FAM120B: variants seen among roughly 807,000 people sequenced by gnomAD.
FAM120B encodes the protein family with sequence similarity 120 member B.
Under a neutral mutation model 96.3 loss-of-function variants are expected in FAM120B, and 83 were observed. The ratio of observed to expected loss-of-function variants is 0.86; its 90% confidence interval spans 0.72 to 1.03. FAM120B has a LOEUF of 1.03. Among genes scored for constraint, FAM120B ranks in the 50% least tolerant of loss-of-function variants. FAM120B has a pLI of 0.00. For missense variants in FAM120B, 1,027 were observed against 1,121.2 expected, an observed-to-expected ratio of 0.92 and a Z score of 1.20; for synonymous variants, 407 against 402.7, an observed-to-expected ratio of 1.01 and a Z score of -0.13.
chr6:170,323,965 T>G (rs1189058349), intron 3 of FAM120B, among the ~76,000 whole-genome samples: 1 of 152,190 alleles, frequency 6.6e-6, no homozygotes, highest in Non-Finnish European at 1.5e-5. Flanking sequence ...AGTAAGGCCT[T>G]GTTCATTTTA....
chr6:170,389,288 C>T (rs1029255551), intron 7 of FAM120B, among the ~76,000 whole-genome samples: 3 of 152,248 alleles, frequency 2.0e-5, no homozygotes, highest in South Asian at 2.1e-4. Flanking sequence ...TTATTAATGA[C>T]GTGCATGGAA....
At chr6:170,338,768 TATGTAATACCGC>T (rs1786610387) in intron 4 of FAM120B, among the ~76,000 whole-genome samples, 1 of 152,118 alleles carries the variant, frequency 6.6e-6, no homozygotes, top group Admixed American at 6.5e-5. Context: ...CCTTTACCAT[TATGTAATACCGC>T]TTTGTCTTTT....
chr6:170,337,180 T>C (rs78603204), intron 4 of FAM120B, among the ~76,000 whole-genome samples: 25 of 152,240 alleles, frequency 1.6e-4, no homozygotes, highest in Non-Finnish European at 1.8e-4. Context: ...TTGTCATAAA[T>C]AGCTCTTGTT....
chr6:170,393,945 T>C (rs1007766928), intron 8 of FAM120B, among the ~76,000 whole-genome samples: 2 of 152,226 alleles, frequency 1.3e-5, no homozygotes, highest in Admixed American at 6.5e-5. Context: ...GGACCCAAGC[T>C]GACAGCTGTG....
intron 3 of FAM120B, 69 bp downstream of exon 3, chr6:170,323,328 G>A: frequency 7.8e-7 from 1 of 1,274,938 alleles, no homozygotes; most frequent in Non-Finnish European, 1.1e-6. Flanking sequence ...CTGGCCAGAT[G>A]AAATAGAGTG....
intron 9 of FAM120B, among the ~76,000 whole-genome samples, chr6:170,397,848 C>T (rs1778263703): frequency 6.6e-6 from 1 of 152,204 alleles, no homozygotes; most frequent in African/African-American, 2.4e-5. Flanking sequence ...CCACCTGACC[C>T]AGTAAGGCAG....
chr6:170,376,483 T>TG (rs958348039), intron 6 of FAM120B, among the ~76,000 whole-genome samples: 1 of 60,982 alleles, frequency 1.6e-5, no homozygotes, highest in Non-Finnish European at 3.2e-5. Context: ...AACACGGGGG[T>TG]GGGGGGGAGG....
At chr6:170,334,076 C>G (rs1264565963) in intron 4 of FAM120B, among the ~76,000 whole-genome samples, 4 of 152,110 alleles carry the variant, frequency 2.6e-5, no homozygotes, top group Non-Finnish European at 1.5e-5. Context: ...TTTTCAGTCT[C>G]CAGAATTGGA....
At chr6:170,359,355 T>C (rs1224343271) in intron 6 of FAM120B, among the ~76,000 whole-genome samples, 2 of 151,092 alleles carry the variant, frequency 1.3e-5, no homozygotes, top group Non-Finnish European at 2.9e-5. Context: ...ATCGTGCCAT[T>C]GCACTCCAAC....
chr6:170,310,854 C>T (rs1051977310), intron 1 of FAM120B, among the ~76,000 whole-genome samples: 3 of 152,206 alleles, frequency 2.0e-5, no homozygotes, highest in African/African-American at 7.2e-5. Context: ...GGTTCATGGT[C>T]TTAGCTGGGG....
intron 8 of FAM120B, among the ~76,000 whole-genome samples, chr6:170,391,616 CATTA>C (rs1790482999): frequency 6.6e-6 from 1 of 152,172 alleles, no homozygotes; most frequent in Non-Finnish European, 1.5e-5. Context: ...AGGATTCGCT[CATTA>C]ATTAAATAAT....
chr6:170,310,334 GA>G (rs1220685578), intron 1 of FAM120B, among the ~76,000 whole-genome samples: 3 of 152,212 alleles, frequency 2.0e-5, no homozygotes, highest in Admixed American at 2.0e-4. Flanking sequence ...AGAGCCCACC[GA>G]TAGGCTGGTG....
chr6:170,390,175 C>T (rs78001393), intron 7 of FAM120B, among the ~76,000 whole-genome samples: 4 of 152,130 alleles, frequency 2.6e-5, no homozygotes, highest in South Asian at 2.1e-4. Context: ...GCTTTCATAG[C>T]GGAGAGAACA....
Position 170,397,117 on chromosome 6 carries a change from G to A in FAM120B, c.2692+1538G>A, listed in dbSNP as rs545205705. On this transcript the variant is annotated intron_variant, in intron 9 of 10. Coordinates refer to ENST00000476287, the MANE Select transcript of FAM120B (RefSeq NM_032448.3). ...TGGGGGCCTACAGCCCTGACTTGGC[G>A]GATCTGTCTGCAGCTGGCCGTGCAC... is the stretch of plus-strand genomic sequence containing the variant. Among the ~76,000 whole-genome samples the A allele has an allele frequency of 4.6e-5, 7 of 152,358 alleles. No homozygotes were observed. The East Asian group carries it at 7.7e-4, about 17-fold the overall frequency.
At chr6:170,362,644 A>T (rs934439130) in intron 6 of FAM120B, among the ~76,000 whole-genome samples, 1 of 150,834 alleles carries the variant, frequency 6.6e-6, no homozygotes, top group Non-Finnish European at 1.5e-5. Flanking sequence ...CTCTCATCCC[A>T]GGGTGCAATA....
At chr6:170,292,999 TCC>T (rs1783919990), upstream of FAM120B, among the ~76,000 whole-genome samples, 1 of 152,162 alleles carries the variant, frequency 6.6e-6, no homozygotes, top group East Asian at 1.9e-4. This position sits in a 1 kb window ranked among gnomAD's most constrained non-coding sequence, Gnocchi z 6.6. Flanking sequence ...CATGATGGTG[TCC>T]TTTTTGGACT....
chr6:170,322,524 G>A (rs1334873743), intron 2 of FAM120B, among the ~76,000 whole-genome samples: 1 of 152,184 alleles, frequency 6.6e-6, no homozygotes, highest in Non-Finnish European at 1.5e-5. Flanking sequence ...GTACTCTTGA[G>A]GAGCAATGAA....
chr6:170,340,789 CCT>C (rs1231118741), intron 4 of FAM120B, among the ~76,000 whole-genome samples: 13 of 152,306 alleles, frequency 8.5e-5, no homozygotes, highest in African/African-American at 2.9e-4. Flanking sequence ...CACTCTATAC[CCT>C]GTTTGCCTGG....
chr6:170,333,224 G>A (rs1786183525), intron 4 of FAM120B, among the ~76,000 whole-genome samples: 2 of 150,030 alleles, frequency 1.3e-5, no homozygotes, highest in African/African-American at 4.9e-5. Flanking sequence ...GGTATTGGGA[G>A]GTGGGGCCTT....
Sources: allele counts gnomAD v4.1 joint callset (sites outside exome capture counted in the v4.1 genomes callset), GRCh38; gene constraint gnomAD v4.1.1; non-coding constraint Gnocchi (gnomAD v3.1); transcripts MANE v1.5; gene names NCBI Gene and HGNC (gene_info 2026-07-23, HGNC 2026-07-21).